The following TYW1B variants were observed in gnomAD, a reference collection of about 807,000 sequenced individuals.
The protein encoded by TYW1B is tRNA-yW synthesizing protein 1 homolog B.
A neutral mutation model predicts 86.9 loss-of-function variants in TYW1B; 73 were observed. The observed-to-expected ratio is 0.84, with a 90% CI of 0.70 to 1.02. The LOEUF (loss-of-function observed/expected upper bound fraction) is 1.02, where lower values mean the gene tolerates loss of function less well. Ranked by LOEUF, TYW1B falls within the 50% of genes least tolerant of loss-of-function variation. TYW1B has a pLI of 0.00. For synonymous variants in TYW1B, 248 were observed against 292.8 expected, an observed-to-expected ratio of 0.85 and a Z score of 1.56; for missense variants, 637 against 827.4, an observed-to-expected ratio of 0.77 and a Z score of 2.82.
intron 7 of TYW1B, among the ~76,000 whole-genome samples, chr7:72,757,564 T>A (rs782314000): frequency 2.6e-5 from 4 of 151,998 alleles, no homozygotes; most frequent in Non-Finnish European, 4.4e-5. Context: ...AGACCAGAAA[T>A]AGGCCTGCCC....
chr7:72,816,047 T>TA (rs1788716479), intron 2 of TYW1B, among the ~76,000 whole-genome samples: 1 of 150,444 alleles, frequency 6.6e-6, no homozygotes, highest in Non-Finnish European at 1.5e-5. Flanking sequence ...AATAACATAT[T>TA]AAAAAACAAT....
intron 5 of TYW1B, among the ~76,000 whole-genome samples, chr7:72,805,069 C>A (rs1798791240): frequency 6.6e-6 from 1 of 152,062 alleles, no homozygotes; most frequent in Non-Finnish European, 1.5e-5. Context: ...TGCATATACT[C>A]ATGGTAGCCA....
chr7:72,764,676 G>A (rs1386631500), intron 7 of TYW1B, among the ~76,000 whole-genome samples: 1 of 152,142 alleles, frequency 6.6e-6, no homozygotes, highest in African/African-American at 2.4e-5. Context: ...ACTGATTGGT[G>A]CATAAAACTG....
chr7:72,632,312 T>TATATATACATG lies in TYW1B; in HGVS notation c.1507-3316_1507-3315insCATGTATATAT, dbSNP rs1491239231. Among the ~76,000 whole-genome samples, 5 of 87,004 alleles carry TATATATACATG rather than the reference T, an allele frequency of 5.7e-5. No individual in the cohort carries two copies. In the South Asian group the frequency reaches 1.7e-3, roughly 29 times the overall value. 57.1% of individuals were successfully genotyped at this position (87,004 alleles called of 152,430 possible). ...ATATATATATATACGTGTATATATATTATATATATTATATATATATACACG... is the reference window on the plus strand; with the variant it reads ...ATATATATATATACGTGTATATATATATATATACATGTATATATATTATATATATATACACG... On this transcript the variant is annotated intron_variant, in intron 11 of 13. Coordinates refer to ENST00000620995, the MANE Select transcript of TYW1B (RefSeq NM_001145440.3).
chr7:72,751,037 T>C (rs1787490633), intron 7 of TYW1B, among the ~76,000 whole-genome samples: 1 of 100,002 alleles, frequency 1.0e-5, no homozygotes, highest in Non-Finnish European at 2.3e-5. Context: ...ATTGGGTAAA[T>C]TCCCTTTTTT....
At chr7:72,788,556 G>T (rs577491058) in intron 6 of TYW1B, among the ~76,000 whole-genome samples, 2 of 152,022 alleles carry the variant, frequency 1.3e-5, no homozygotes, top group African/African-American at 4.8e-5. Flanking sequence ...TTTTGAGATG[G>T]GAGTCTTGCT....
intron 6 of TYW1B, among the ~76,000 whole-genome samples, chr7:72,789,450 G>A (rs140886185): frequency 0.031 from 4,775 of 152,108 alleles, 84 homozygotes; most frequent in Non-Finnish European, 0.037. Context: ...TATTTCCTTT[G>A]AATGTCATAT....
At chr7:72,718,046 A>G (rs1585926999) in intron 9 of TYW1B, among the ~76,000 whole-genome samples, 1 of 152,222 alleles carries the variant, frequency 6.6e-6, no homozygotes, top group Non-Finnish European at 1.5e-5. Context: ...ACTATTCACA[A>G]TAGCTAAAAG....
chr7:72,706,994 G>C (rs1355536221), intron 10 of TYW1B, among the ~76,000 whole-genome samples: 1 of 152,186 alleles, frequency 6.6e-6, no homozygotes, highest in African/African-American at 2.4e-5. Flanking sequence ...CATCAACTGA[G>C]TTTCTGAAGA....
intron 11 of TYW1B, among the ~76,000 whole-genome samples, chr7:72,669,199 C>T (rs1244140806): frequency 1.4e-3 from 163 of 117,700 alleles, no homozygotes; most frequent in African/African-American, 5.0e-3. Context: ...GGCTGGAATG[C>T]AATGGCGCTA....
intron 13 of TYW1B, among the ~76,000 whole-genome samples, chr7:72,603,312 G>A (rs571625834): frequency 1.3e-5 from 2 of 149,160 alleles, no homozygotes; most frequent in African/African-American, 5.0e-5. Context: ...TTGATGGATG[G>A]ACAGATAGAT....
intron 2 of TYW1B, 56 bp from the exon 3 acceptor site, chr7:72,815,537 T>G: frequency 6.7e-7 from 1 of 1,485,458 alleles, no homozygotes; most frequent in East Asian, 2.3e-5. Flanking sequence ...AATATAGCCC[T>G]CATTTACCCC....
intron 10 of TYW1B, among the ~76,000 whole-genome samples, chr7:72,701,930 C>T (rs1275674878): frequency 3.3e-5 from 5 of 152,184 alleles, no homozygotes; most frequent in African/African-American, 1.2e-4. Context: ...TTTTCGCTGC[C>T]TGCTTACTCG....
chr7:72,792,985 G>GA (rs1312318044), intron 6 of TYW1B, among the ~76,000 whole-genome samples: 2 of 149,262 alleles, frequency 1.3e-5, no homozygotes, highest in African/African-American at 4.9e-5. Flanking sequence ...GCGGATCCAG[G>GA]AAAAACAGGA....
chr7:72,664,020 T>C (rs1474981131), intron 11 of TYW1B, among the ~76,000 whole-genome samples: 1 of 152,074 alleles, frequency 6.6e-6, no homozygotes, highest in Non-Finnish European at 1.5e-5. Flanking sequence ...TCTTCTTTTC[T>C]ACCTACGTGT....
intron 11 of TYW1B, among the ~76,000 whole-genome samples, chr7:72,648,302 G>T (rs1296982811): frequency 1.3e-5 from 2 of 151,952 alleles, no homozygotes; most frequent in Non-Finnish European, 2.9e-5. Context: ...CAGCACTTTG[G>T]GGGACTAAGG....
chr7:72,602,833 A>AACACACACACACACACACACACAC (rs55709140), intron 13 of TYW1B, among the ~76,000 whole-genome samples: 1 of 128,034 alleles, frequency 7.8e-6, no homozygotes, highest in Non-Finnish European at 1.6e-5. Flanking sequence ...AAGTGCTCAA[A>AACACACACACACACACACACACAC]ACACACACAC....
At chr7:72,661,735 C>G (rs1410857465) in intron 11 of TYW1B, among the ~76,000 whole-genome samples, 1 of 151,886 alleles carries the variant, frequency 6.6e-6, no homozygotes, top group African/African-American at 2.4e-5. Context: ...CCCTATCACA[C>G]AGATGTTGTA....
At chr7:72,775,215 T>C (rs1585974617) in intron 7 of TYW1B, among the ~76,000 whole-genome samples, 4 of 152,164 alleles carry the variant, frequency 2.6e-5, no homozygotes, top group Admixed American at 2.0e-4. Flanking sequence ...TGTAGTCTTC[T>C]AGGAAGCAAG....
Sources: gnomAD v4.1 joint callset for allele counts (sites outside exome capture counted in the v4.1 genomes callset) on GRCh38, gnomAD v4.1.1 for gene constraint, MANE v1.5 for transcripts, NCBI Gene and HGNC (gene_info 2026-07-23, HGNC 2026-07-21) for gene names.